ROBO2: variants seen among roughly 807,000 people sequenced by gnomAD.
ROBO2 encodes the protein roundabout guidance receptor 2.
In ROBO2, 53 loss-of-function variants were observed where a neutral mutation model predicts 160.8. The observed-to-expected ratio is 0.33, with a 90% confidence interval of 0.26 to 0.41. The LOEUF is 0.41. Ranked by LOEUF, ROBO2 falls within the 10% of genes least tolerant of loss-of-function variation. ROBO2 has a pLI of 1.00. For missense variants in ROBO2, 1,577 were observed against 1,722.4 expected (o/e 0.92, Z 1.49); for synonymous variants, 664 against 611.7 (o/e 1.09, Z -1.26).
At chr3:77,194,525 C>T (rs1453706671) in intron 2 of ROBO2, among the ~76,000 whole-genome samples, 1 of 152,016 alleles carries the variant, frequency 6.6e-6, no homozygotes. Context: ...AAAATGAGTT[C>T]ATTTATTCAA....
chr3:77,213,317 G>A (rs1363187405), intron 2 of ROBO2, among the ~76,000 whole-genome samples: 2 of 152,118 alleles, frequency 1.3e-5, no homozygotes, highest in Admixed American at 1.3e-4. Context: ...GAGGGCGTAT[G>A]TGTCCAGGAA....
At chr3:76,418,298 C>T (rs956408181) in intron 2 of ROBO2, among the ~76,000 whole-genome samples, 1 of 138,982 alleles carries the variant, frequency 7.2e-6, no homozygotes, top group Non-Finnish European at 1.5e-5. Context: ...GGCTGAAGTG[C>T]AGTGATGCGA....
chr3:76,071,834 G>T (rs982772514), intron 2 of ROBO2, among the ~76,000 whole-genome samples: 4 of 151,878 alleles, frequency 2.6e-5, no homozygotes, highest in African/African-American at 9.7e-5. Context: ...TTTTAAGAAT[G>T]GAAACAAATG....
intron 2 of ROBO2, among the ~76,000 whole-genome samples, chr3:76,915,277 A>G (rs749827928): frequency 6.6e-6 from 1 of 152,176 alleles, no homozygotes; most frequent in Non-Finnish European, 1.5e-5. Flanking sequence ...TACATGAATG[A>G]TGTGTCTTCT....
At chr3:76,894,063 A>T (rs949703911) in intron 2 of ROBO2, among the ~76,000 whole-genome samples, 4 of 152,130 alleles carry the variant, frequency 2.6e-5, no homozygotes, top group African/African-American at 9.6e-5. Flanking sequence ...ATTCCCTTGA[A>T]TGGCGATACA....
At chr3:77,544,748 TA>T (rs2092631470) in intron 6 of ROBO2, among the ~76,000 whole-genome samples, 1 of 152,122 alleles carries the variant, frequency 6.6e-6, no homozygotes, top group Non-Finnish European at 1.5e-5. Context: ...CACTAGGTTC[TA>T]AAAATTAGAG....
chr3:77,415,901 C>A (rs570787167), intron 2 of ROBO2, among the ~76,000 whole-genome samples: 1 of 152,170 alleles, frequency 6.6e-6, no homozygotes, highest in Non-Finnish European at 1.5e-5. Context: ...ACAGCTTGTT[C>A]GTTCCTGCAG....
At chr3:77,115,958 C>T (rs189848782) in intron 2 of ROBO2, among the ~76,000 whole-genome samples, 116 of 152,264 alleles carry the variant, frequency 7.6e-4, no homozygotes, top group Non-Finnish European at 1.4e-3. Context: ...CTCCTCTCAT[C>T]CATCTTCTTA....
At chr3:76,855,224 T>TAAA (rs2069920012) in intron 2 of ROBO2, among the ~76,000 whole-genome samples, 1 of 152,212 alleles carries the variant, frequency 6.6e-6, no homozygotes, top group Non-Finnish European at 1.5e-5. Flanking sequence ...ATTTAAATTA[T>TAAA]AACCTCAAAT....
At chr3:77,533,083 T>C (rs1356533541) in intron 6 of ROBO2, among the ~76,000 whole-genome samples, 2 of 152,160 alleles carry the variant, frequency 1.3e-5, no homozygotes, top group Non-Finnish European at 2.9e-5. Flanking sequence ...GTTTGCATAT[T>C]TGGAGAAGAG....
chr3:76,904,302 A>G (rs1371136611), intron 2 of ROBO2, among the ~76,000 whole-genome samples: 1 of 152,158 alleles, frequency 6.6e-6, no homozygotes, highest in Non-Finnish European at 1.5e-5. Flanking sequence ...ATCATACGGA[A>G]ACTACAACAA....
At chr3:76,769,183 A>G (rs925261245) in intron 2 of ROBO2, among the ~76,000 whole-genome samples, 1 of 151,426 alleles carries the variant, frequency 6.6e-6, no homozygotes, top group African/African-American at 2.4e-5. Flanking sequence ...CTCAAAGTAT[A>G]GTAAGATCTG....
At chr3:76,037,064 T>A (rs1168528281) in intron 2 of ROBO2, among the ~76,000 whole-genome samples, 2 of 151,914 alleles carry the variant, frequency 1.3e-5, no homozygotes, top group Admixed American at 1.3e-4. Flanking sequence ...TCTTCTGCCC[T>A]TAAGTACTAT....
chr3:76,621,274 T>C (rs555680682), intron 2 of ROBO2, among the ~76,000 whole-genome samples: 2 of 152,322 alleles, frequency 1.3e-5, no homozygotes, highest in African/African-American at 4.8e-5. Flanking sequence ...TGTAAATAAG[T>C]ATTGCTGTGT....
At chr3:76,164,458 A>G (rs2072750591) in intron 2 of ROBO2, among the ~76,000 whole-genome samples, 1 of 152,204 alleles carries the variant, frequency 6.6e-6, no homozygotes, top group South Asian at 2.1e-4. Context: ...GCCTTATGAA[A>G]CATATTATTA....
At chr3:76,715,037 T>C (rs2093357250) in intron 2 of ROBO2, among the ~76,000 whole-genome samples, 1 of 152,156 alleles carries the variant, frequency 6.6e-6, no homozygotes, top group Non-Finnish European at 1.5e-5. Context: ...GATCTATTTA[T>C]TGTAAATTAT....
intron 2 of ROBO2, among the ~76,000 whole-genome samples, chr3:76,497,283 C>T (rs746898374): frequency 1.2e-4 from 18 of 152,246 alleles, no homozygotes; most frequent in Admixed American, 1.3e-4. Flanking sequence ...ACAGCCTCAA[C>T]CTCTCATGCT....
intron 2 of ROBO2, among the ~76,000 whole-genome samples, chr3:76,602,788 G>A (rs2087259486): frequency 6.6e-6 from 1 of 151,370 alleles, no homozygotes; most frequent in South Asian, 2.1e-4. Context: ...ACTCCCACTG[G>A]GTTCCTCCCA....
At chr3:76,457,422 G>A (rs990604140) in intron 2 of ROBO2, among the ~76,000 whole-genome samples, 5 of 152,234 alleles carry the variant, frequency 3.3e-5, no homozygotes, top group African/African-American at 1.2e-4. Context: ...GCTAATGCAA[G>A]AGGTGGGTTC....
Sources: allele counts gnomAD v4.1 joint callset (sites outside exome capture counted in the v4.1 genomes callset), GRCh38; gene constraint gnomAD v4.1.1; transcripts MANE v1.5; gene names NCBI Gene and HGNC (gene_info 2026-07-23, HGNC 2026-07-21).